PDE1A: variants seen among roughly 807,000 people sequenced by gnomAD.
PDE1A encodes dual specificity calcium/calmodulin-dependent 3',5'-cyclic nucleotide phosphodiesterase 1A.
PDE1A carries 35 observed loss-of-function variants against 61.7 expected under a neutral mutation model. That is an observed-to-expected ratio of 0.57 (90% CI 0.43 to 0.75). PDE1A has a LOEUF of 0.75. PDE1A is among the 30% of genes least tolerant of loss of function. The pLI, the probability that PDE1A is intolerant of heterozygous loss-of-function variation, is 0.00. For synonymous variants in PDE1A, 232 were observed against 213.2 expected, an observed-to-expected ratio of 1.09 and a Z score of -0.77; for missense variants, 597 against 630.6, an observed-to-expected ratio of 0.95 and a Z score of 0.57.
the PDE1A span, among the ~76,000 whole-genome samples, chr2:182,566,957 A>G: frequency 6.6e-6 from 1 of 152,226 alleles, no homozygotes; most frequent in East Asian, 1.9e-4. Context: ...ATTCATGATA[A>G]CCTTACATAT....
the PDE1A span, among the ~76,000 whole-genome samples, chr2:182,545,717 C>A: frequency 6.6e-6 from 1 of 152,260 alleles, no homozygotes; most frequent in Non-Finnish European, 1.5e-5. Flanking sequence ...ACTCTCTGTT[C>A]CTCTGTAAAA....
chr2:182,178,286 G>C (rs1283475692), intron 13 of PDE1A, among the ~76,000 whole-genome samples: 1 of 152,116 alleles, frequency 6.6e-6, no homozygotes, highest in Admixed American at 6.6e-5. Context: ...AGGAGATCCA[G>C]GTTTCTCACT....
chr2:182,144,426 T>C (rs186928217), downstream of PDE1A, among the ~76,000 whole-genome samples: 18 of 152,350 alleles, frequency 1.2e-4, no homozygotes, highest in African/African-American at 3.8e-4. Context: ...CAAAACACTT[T>C]CGTGGTCTAA....
chr2:182,247,381 TAAGTGTTCA>T (rs1353711378), intron 2 of PDE1A, among the ~76,000 whole-genome samples: 2 of 152,174 alleles, frequency 1.3e-5, no homozygotes, highest in Non-Finnish European at 2.9e-5. Flanking sequence ...AAGACATAAG[TAAGTGTTCA>T]CAGGTTCATT....
chr2:182,550,587 G>A, the PDE1A span, among the ~76,000 whole-genome samples: 11 of 152,156 alleles, frequency 7.2e-5, no homozygotes, highest in South Asian at 2.1e-4. Context: ...GAACAATTAC[G>A]ACGCTCCAGT....
chr2:182,194,306 A>G (rs900738640), intron 10 of PDE1A, among the ~76,000 whole-genome samples: 2 of 152,144 alleles, frequency 1.3e-5, no homozygotes, highest in Non-Finnish European at 2.9e-5. Context: ...TATCTTGCCA[A>G]CCTGACATGT....
At chr2:182,367,388 C>T (rs894987295) in intron 1 of PDE1A, among the ~76,000 whole-genome samples, 14 of 151,894 alleles carry the variant, frequency 9.2e-5, no homozygotes, top group Non-Finnish European at 1.8e-4. Context: ...AATTTGCTCA[C>T]ATGATTTGTT....
chr2:182,244,937 CAA>C (rs1296578340), intron 2 of PDE1A, among the ~76,000 whole-genome samples: 1 of 152,150 alleles, frequency 6.6e-6, no homozygotes, highest in African/African-American at 2.4e-5. Flanking sequence ...GTCTGTTTCT[CAA>C]AGATTTTTCT....
the PDE1A span, among the ~76,000 whole-genome samples, chr2:182,532,580 T>C: frequency 6.6e-6 from 1 of 152,090 alleles, no homozygotes; most frequent in Non-Finnish European, 1.5e-5. Flanking sequence ...GTAATGAAAA[T>C]GTGAAACTGT....
At position 182,221,032 on chromosome 2, in the gene PDE1A, T is replaced by C. The variant is rs190023773; in HGVS notation, c.776+2832A>G. 4.0e-3 allele frequency among the ~76,000 whole-genome samples: 611 copies of C among 152,066 alleles called. 3 individuals are homozygous for C. Among genetic ancestry groups the C allele is most frequent in the African/African-American group, 0.014 (591 of 41,498 alleles). ...TTATACAGAGTTTTAAAATATAAAT[T>C]GAAAAAAACATGATTCTTCTTTTTC... On this transcript the variant is annotated intron_variant, in intron 7 of 13. Transcript: ENST00000351439.
chr2:182,451,599 T>C (rs1418541779), intron 2 of PDE1A, among the ~76,000 whole-genome samples: 9 of 152,110 alleles, frequency 5.9e-5, no homozygotes, highest in Admixed American at 5.9e-4. Context: ...TGAAATTTAT[T>C]ATATACTTTT....
the PDE1A span, among the ~76,000 whole-genome samples, chr2:182,635,162 T>G: frequency 4.0e-5 from 6 of 151,492 alleles, no homozygotes; most frequent in Admixed American, 3.9e-4. Flanking sequence ...TTTTGATCAA[T>G]ACTAAGTTTC....
At chr2:182,484,488 C>T (rs1559503788) in intron 2 of PDE1A, among the ~76,000 whole-genome samples, 4 of 151,714 alleles carry the variant, frequency 2.6e-5, no homozygotes, top group Admixed American at 1.3e-4. Flanking sequence ...CAAAAGCAAT[C>T]GCAACAAAAC....
chr2:182,381,960 T>A (rs1700763877), intron 1 of PDE1A, among the ~76,000 whole-genome samples: 1 of 152,066 alleles, frequency 6.6e-6, no homozygotes, highest in Admixed American at 6.6e-5. Flanking sequence ...CACTAATCCC[T>A]AAATTATTAT....
intron 10 of PDE1A, among the ~76,000 whole-genome samples, chr2:182,199,551 C>A (rs972258029): frequency 3.3e-5 from 5 of 151,946 alleles, no homozygotes; most frequent in African/African-American, 1.2e-4. Context: ...TCTTCTTAAC[C>A]TGAAAAATCT....
chr2:182,294,523 C>T (rs913011448), intron 1 of PDE1A, among the ~76,000 whole-genome samples: 13 of 152,152 alleles, frequency 8.5e-5, no homozygotes, highest in Non-Finnish European at 1.8e-4. Context: ...GCTACGTAGA[C>T]ATTGACAATG....
intron 13 of PDE1A, among the ~76,000 whole-genome samples, chr2:182,168,997 A>G (rs1383850664): frequency 6.6e-6 from 1 of 151,870 alleles, no homozygotes; most frequent in African/African-American, 2.4e-5. Context: ...TGTGTGTGTA[A>G]GTGTATGTGT....
At chr2:182,255,551 T>C (rs1691713141) in intron 2 of PDE1A, among the ~76,000 whole-genome samples, 1 of 152,102 alleles carries the variant, frequency 6.6e-6, no homozygotes, top group Admixed American at 6.5e-5. Flanking sequence ...TACCAGTGAG[T>C]CTTTCGGATT....
intron 1 of PDE1A, among the ~76,000 whole-genome samples, chr2:182,408,639 G>T (rs1702440351): frequency 6.6e-6 from 1 of 152,138 alleles, no homozygotes; most frequent in African/African-American, 2.4e-5. Context: ...AAATTAGCGT[G>T]CAGTGTCTTC....
Sources: gnomAD v4.1 joint callset for allele counts (sites outside exome capture counted in the v4.1 genomes callset) on GRCh38, gnomAD v4.1.1 for gene constraint, MANE v1.5 for transcripts, NCBI Gene and HGNC (gene_info 2026-07-23, HGNC 2026-07-21) for gene names.